Variants in AKAP7 observed in about 807,000 individuals in gnomAD.
AKAP7 encodes the protein A kinase (PRKA) anchor protein 7.
A neutral mutation model predicts 39.5 loss-of-function variants in AKAP7; 39 were observed. The observed-to-expected ratio is 0.99, with a 90% confidence interval of 0.76 to 1.29. The LOEUF is 1.29. Ranked by LOEUF, AKAP7 falls within the 50% of genes most tolerant of loss-of-function variation. The pLI, the probability that AKAP7 is intolerant of heterozygous loss-of-function variation, is 0.00. For synonymous variants in AKAP7, 140 were observed against 139.1 expected (o/e 1.01, Z -0.05); for missense variants, 414 against 407.7 (o/e 1.02, Z -0.13).
rs533892642 is a variant in AKAP7, at chr6:131,185,013, G to A, written c.590-14448G>A. On this transcript the variant is annotated intron_variant, in intron 5 of 7. Transcript: ENST00000431975. Reference sequence around the variant, plus strand: ...ATCGAGGTCATCCAGGAAGTCATCTGGTTCTAGGATCCGCTTTCGTGCTTG... The same window carrying A: ...ATCGAGGTCATCCAGGAAGTCATCTAGTTCTAGGATCCGCTTTCGTGCTTG... 2.4e-5 allele frequency: 18 copies of A among 756,954 alleles called. No individual in the cohort carries two copies. In the African/African-American group the frequency reaches 2.6e-4, roughly 11 times the overall value. The allele number at this position is 756,954 out of a possible 1,614,324, so 46.9% of individuals were successfully genotyped here.
intron 6 of AKAP7, among the ~76,000 whole-genome samples, chr6:131,214,140 G>A (rs1158849999): frequency 6.6e-6 from 1 of 152,102 alleles, no homozygotes; most frequent in Non-Finnish European, 1.5e-5. Flanking sequence ...CTCTGTGACT[G>A]CTTTCCTAGC....
chr6:131,229,803 T>C (rs753074045), intron 7 of AKAP7, among the ~76,000 whole-genome samples: 2 of 152,244 alleles, frequency 1.3e-5, no homozygotes, highest in Non-Finnish European at 2.9e-5. Flanking sequence ...TGCTGAACTT[T>C]CCATTACTCC....
the AKAP7 span, among the ~76,000 whole-genome samples, chr6:131,127,601 G>T: frequency 6.6e-6 from 1 of 152,098 alleles, no homozygotes; most frequent in African/African-American, 2.4e-5. Context: ...TTCAAATTCT[G>T]CACATTATAA....
At chr6:131,136,749 T>C (rs1800578156) in intron 1 of AKAP7, 1 of 577,138 alleles carries the variant, frequency 1.7e-6, no homozygotes, top group African/African-American at 2.0e-5. Context: ...ATAATTTGGA[T>C]TTTACTTTTG....
Position 131,246,094 on chromosome 6 carries a change from A to AATATAT in AKAP7, c.850+26305_850+26310dup, listed in dbSNP as rs57449798. Among the ~76,000 whole-genome samples, 402 of 143,992 alleles carry AATATAT rather than the reference A, an allele frequency of 2.8e-3. 2 individuals carry two copies. The highest frequency in any genetic ancestry group is 8.4e-3 in the African/African-American group (333 of 39,504). The allele number at this position is 143,992 out of a possible 152,430, so 94.5% of individuals were successfully genotyped here. On this transcript the variant is annotated intron_variant, in intron 7 of 7. Coordinates refer to ENST00000431975, the MANE Select transcript of AKAP7 (RefSeq NM_016377.4). ...TTCCATGAGGTTTCTCAGAAGTCCAAATATATATATATATATATATATATG... is the reference window on the plus strand; with the variant it reads ...TTCCATGAGGTTTCTCAGAAGTCCAAATATATATATATATATATATATATATATATG...
intron 1 of AKAP7, among the ~76,000 whole-genome samples, chr6:131,144,291 G>A (rs923769371): frequency 3.9e-5 from 6 of 152,032 alleles, no homozygotes; most frequent in Non-Finnish European, 8.8e-5. Flanking sequence ...CCTCCCAGAC[G>A]GGGTCGTGGC....
chr6:131,191,492 AATT>A (rs1562199910), intron 5 of AKAP7, among the ~76,000 whole-genome samples: 1 of 152,122 alleles, frequency 6.6e-6, no homozygotes, highest in African/African-American at 2.4e-5. Flanking sequence ...CCAGCATCTA[AATT>A]TTTTATACCA....
At chr6:131,128,739 T>C in the AKAP7 span, among the ~76,000 whole-genome samples, 1 of 151,240 alleles carries the variant, frequency 6.6e-6, no homozygotes, top group East Asian at 2.0e-4. Flanking sequence ...GGAGACTCAT[T>C]TGAACCCAGG....
rs564421827 is a variant in AKAP7, at chr6:131,181,228, G to A, written c.589+11955G>A. Among the ~76,000 whole-genome samples, 59 of 152,194 alleles carry A rather than the reference G, an allele frequency of 3.9e-4. 1 individual carries two copies. Among genetic ancestry groups the A allele is most frequent in the African/African-American group, 1.0e-3 (42 of 41,532 alleles). On this transcript the variant is annotated intron_variant, in intron 5 of 7. Transcript: ENST00000431975. Reference sequence around the variant, plus strand: ...TGGGATTACAGGTGTGAGCCACCGCGCCTGGCCCCATGTTTCACTTTTTGT... The same window carrying A: ...TGGGATTACAGGTGTGAGCCACCGCACCTGGCCCCATGTTTCACTTTTTGT...
At chr6:131,185,172 T>G (rs1484072645) in intron 5 of AKAP7, 1 of 521,290 alleles carries the variant, frequency 1.9e-6, no homozygotes, top group Admixed American at 2.6e-5. Context: ...CCCCTCCTTC[T>G]TCAGGGTGGG....
intron 7 of AKAP7, among the ~76,000 whole-genome samples, chr6:131,223,549 AT>A (rs1384746479): frequency 6.6e-6 from 1 of 152,154 alleles, no homozygotes; most frequent in East Asian, 1.9e-4. Flanking sequence ...TCTTTTCAGA[AT>A]CTCTGTAAGA....
At chr6:131,149,762 G>A (rs905870096) in intron 2 of AKAP7, among the ~76,000 whole-genome samples, 1 of 152,200 alleles carries the variant, frequency 6.6e-6, no homozygotes, top group Non-Finnish European at 1.5e-5. Context: ...TGGGGTCTTT[G>A]CTGTTTACAA....
chr6:131,192,537 G>T (rs1454434588), intron 5 of AKAP7, among the ~76,000 whole-genome samples: 1 of 152,106 alleles, frequency 6.6e-6, no homozygotes, highest in African/African-American at 2.4e-5. Flanking sequence ...CTCCAGCTTT[G>T]TTCTCTCAGG....
At chr6:131,280,677 T>C (rs1815128151) in intron 7 of AKAP7, among the ~76,000 whole-genome samples, 1 of 152,194 alleles carries the variant, frequency 6.6e-6, no homozygotes, top group Non-Finnish European at 1.5e-5. Context: ...GATTGAGCAC[T>C]GAATGGTCAC....
intron 5 of AKAP7, among the ~76,000 whole-genome samples, chr6:131,180,228 C>T (rs1805029610): frequency 6.6e-6 from 1 of 152,180 alleles, no homozygotes; most frequent in African/African-American, 2.4e-5. Flanking sequence ...AAAGAGGTGT[C>T]CTTTATCTAG....
chr6:131,254,449 A>T (rs1297977384), intron 7 of AKAP7, among the ~76,000 whole-genome samples: 1 of 152,256 alleles, frequency 6.6e-6, no homozygotes, highest in African/African-American at 2.4e-5. Flanking sequence ...TATCTATCTT[A>T]TTAAGCAAAC....
intron 7 of AKAP7, among the ~76,000 whole-genome samples, chr6:131,240,917 C>A (rs1811499336): frequency 6.6e-6 from 1 of 152,166 alleles, no homozygotes; most frequent in South Asian, 2.1e-4. Flanking sequence ...CACTGTCCTG[C>A]ACCCACTGTC....
chr6:131,253,070 A>G lies in AKAP7; in HGVS notation c.851-28460A>G. On this transcript the variant is annotated intron_variant, in intron 7 of 7. Coordinates refer to ENST00000431975, the MANE Select transcript of AKAP7 (RefSeq NM_016377.4). ...GAAAGCTCGTCCTCTGCAGTCCTAC[A>G]GAGATACAGCAAGGATATACCCAGT... is the stretch of plus-strand genomic sequence containing the variant. 1.9e-6 allele frequency: 3 copies of G among 1,613,728 alleles called. No individual in the cohort carries two copies. The South Asian group carries it at 3.3e-5, about 18-fold the overall frequency.
intron 5 of AKAP7, chr6:131,184,343 C>A: frequency 1.6e-6 from 1 of 643,776 alleles, no homozygotes. Flanking sequence ...AGTTCTTGTT[C>A]TGGTAGATGG....
Sources: gnomAD v4.1 joint callset for allele counts (sites outside exome capture counted in the v4.1 genomes callset) on GRCh38, gnomAD v4.1.1 for gene constraint, MANE v1.5 for transcripts, NCBI Gene and HGNC (gene_info 2026-07-23, HGNC 2026-07-21) for gene names.